DLG2: variants seen among roughly 807,000 people sequenced by gnomAD.
DLG2 encodes discs large MAGUK scaffold protein 2, also known as disks large homolog 2.
DLG2 carries 45 observed loss-of-function variants against 132.5 expected under a neutral mutation model. The observed-to-expected ratio is 0.34, with a 90% CI of 0.27 to 0.44. DLG2 has a LOEUF of 0.44. Ranked by LOEUF, DLG2 falls within the 20% of genes least tolerant of loss-of-function variation. DLG2 has a pLI of 1.00. For synonymous variants in DLG2, 424 were observed against 419.6 expected (o/e 1.01, Z -0.13); for missense variants, 1,045 against 1,196.9 (o/e 0.87, Z 1.87).
intron 6 of DLG2, among the ~76,000 whole-genome samples, chr11:84,660,744 A>G (rs1395807279): frequency 6.6e-6 from 1 of 152,214 alleles, no homozygotes; most frequent in Non-Finnish European, 1.5e-5. Flanking sequence ...GAAGAGATAT[A>G]TAAATATACA....
chr11:84,332,372 C>T (rs572408863), intron 7 of DLG2, among the ~76,000 whole-genome samples: 7 of 151,932 alleles, frequency 4.6e-5, no homozygotes, highest in East Asian at 3.9e-4. Context: ...CCACCACGCC[C>T]GGCTAATTTT....
intron 6 of DLG2, among the ~76,000 whole-genome samples, chr11:84,556,593 A>G (rs1192284732): frequency 9.2e-5 from 14 of 152,204 alleles, no homozygotes; most frequent in Non-Finnish European, 1.6e-4. Context: ...GTGTTGGCCC[A>G]CATTCGAAGC....
At chr11:83,513,840 G>C (rs1332469619) in intron 21 of DLG2, among the ~76,000 whole-genome samples, 4 of 152,272 alleles carry the variant, frequency 2.6e-5, no homozygotes, top group Middle Eastern at 3.4e-3. Context: ...GATAGTTGTA[G>C]ATATGTGGCA....
chr11:85,162,328 C>G (rs2078094975), intron 4 of DLG2, among the ~76,000 whole-genome samples: 1 of 152,180 alleles, frequency 6.6e-6, no homozygotes, highest in Admixed American at 6.5e-5. Context: ...ACAAATGGCT[C>G]AGACCCTTCA....
At chr11:84,054,563 G>A (rs112912122) in intron 11 of DLG2, among the ~76,000 whole-genome samples, 6 of 152,036 alleles carry the variant, frequency 3.9e-5, no homozygotes, top group African/African-American at 1.4e-4. Context: ...TTCTAAGTCA[G>A]AATGAGTATT....
chr11:83,584,147 G>C (rs491633), intron 19 of DLG2, among the ~76,000 whole-genome samples: 69,132 of 151,952 alleles, frequency 0.45, 16,138 homozygotes, highest in Admixed American at 0.56. Flanking sequence ...TCCTATTATA[G>C]ACTTTTGTAC....
Position 85,152,385 on chromosome 11 carries a change from C to T in DLG2, c.282+2171G>A, listed in dbSNP as rs533846315. On this transcript the variant is annotated intron_variant, in intron 5 of 27. Coordinates refer to ENST00000376104, the MANE Select transcript of DLG2 (RefSeq NM_001142699.3). ...CCTCCCAAGTAGCTGGGATTACAGGCACACACCACCACACTTGGCTAATTT... is the reference window on the plus strand; with the variant it reads ...CCTCCCAAGTAGCTGGGATTACAGGTACACACCACCACACTTGGCTAATTT... Among the ~76,000 whole-genome samples, 46 of 152,150 alleles carry T rather than the reference C, an allele frequency of 3.0e-4. 1 individual carries two copies. Among genetic ancestry groups the T allele is most frequent in the African/African-American group, 1.1e-3 (44 of 41,510 alleles).
At chr11:84,833,593 G>A (rs1304562333) in intron 6 of DLG2, among the ~76,000 whole-genome samples, 1 of 151,134 alleles carries the variant, frequency 6.6e-6, no homozygotes, top group Non-Finnish European at 1.5e-5. Flanking sequence ...CATTTAAAAA[G>A]GAACTATCAG....
At chr11:85,494,506 G>C (rs569299965) in intron 3 of DLG2, among the ~76,000 whole-genome samples, 189 of 152,032 alleles carry the variant, frequency 1.2e-3, no homozygotes, top group African/African-American at 4.3e-3. Flanking sequence ...TAAAAAAAAG[G>C]AAAGTAAGCA....
intron 6 of DLG2, among the ~76,000 whole-genome samples, chr11:84,868,741 C>A (rs1352944954): frequency 1.3e-5 from 2 of 152,058 alleles, no homozygotes; most frequent in East Asian, 3.9e-4. Flanking sequence ...TGTAGCTCAG[C>A]GACGTTGCCA....
intron 15 of DLG2, among the ~76,000 whole-genome samples, chr11:83,920,861 GTCTA>G (rs1157229578): frequency 8.6e-5 from 13 of 150,868 alleles, no homozygotes; most frequent in African/African-American, 1.5e-4. Flanking sequence ...TTCATTGTCT[GTCTA>G]TCTATCTATC....
chr11:84,868,237 CTGACCTAGACAGAG>C (rs2084929631), intron 6 of DLG2, among the ~76,000 whole-genome samples: 1 of 150,568 alleles, frequency 6.6e-6, no homozygotes, highest in East Asian at 1.9e-4. Flanking sequence ...AGGTCTCTTC[CTGACCTAGACAGAG>C]TATCCAATAA....
intron 6 of DLG2, among the ~76,000 whole-genome samples, chr11:85,026,679 C>G (rs1206301174): frequency 6.6e-6 from 1 of 151,696 alleles, no homozygotes; most frequent in Non-Finnish European, 1.5e-5. Flanking sequence ...CTACTAAAAA[C>G]ACAACAAATT....
chr11:84,074,632 C>A, intron 10 of DLG2, among the ~76,000 whole-genome samples: 1 of 151,230 alleles, frequency 6.6e-6, no homozygotes, highest in East Asian at 1.9e-4. Flanking sequence ...GGGTTCACGC[C>A]ATTCTCCTGC....
At chr11:85,092,374 C>A (rs892805639) in intron 6 of DLG2, among the ~76,000 whole-genome samples, 1 of 152,044 alleles carries the variant, frequency 6.6e-6, no homozygotes, top group Non-Finnish European at 1.5e-5. Context: ...CTGATAACCA[C>A]AATCCTAACA....
intron 18 of DLG2, among the ~76,000 whole-genome samples, chr11:83,760,927 T>G (rs2093879635): frequency 6.6e-6 from 1 of 152,196 alleles, no homozygotes; most frequent in South Asian, 2.1e-4. Flanking sequence ...TTTAACACCC[T>G]TTGAATGTAC....
intron 6 of DLG2, among the ~76,000 whole-genome samples, chr11:84,745,701 C>A (rs574146265): frequency 1.6e-4 from 25 of 152,210 alleles, no homozygotes; most frequent in Middle Eastern, 3.4e-3. Flanking sequence ...ATATAAACAG[C>A]AGCGATAAGA....
At chr11:83,745,220 G>A (rs1206990560) in intron 18 of DLG2, among the ~76,000 whole-genome samples, 10 of 152,142 alleles carry the variant, frequency 6.6e-5, no homozygotes, top group Admixed American at 5.9e-4. Flanking sequence ...GCCAAATGCT[G>A]TGAAAACAAA....
At chr11:85,302,581 A>G (rs187890790) in intron 3 of DLG2, among the ~76,000 whole-genome samples, 175 of 151,832 alleles carry the variant, frequency 1.2e-3, no homozygotes, top group African/African-American at 4.1e-3. Flanking sequence ...ATGGCCTGGT[A>G]TAAGAACTCT....
Sources: gnomAD v4.1 joint callset for allele counts (sites outside exome capture counted in the v4.1 genomes callset) on GRCh38, gnomAD v4.1.1 for gene constraint, MANE v1.5 for transcripts, NCBI Gene and HGNC (gene_info 2026-07-23, HGNC 2026-07-21) for gene names.